Variants in LGSN observed in about 807,000 individuals in gnomAD.
LGSN encodes lengsin.
Under a neutral mutation model 19.5 loss-of-function variants are expected in LGSN, and 21 were observed. The ratio of observed to expected loss-of-function variants is 1.07; its 90% CI spans 0.76 to 1.55. The LOEUF (loss-of-function observed/expected upper bound fraction) is 1.55. Among genes scored for constraint, LGSN ranks in the 40% most tolerant of loss-of-function variants. The pLI is 0.00. For synonymous variants in LGSN, 257 were observed against 215.6 expected, an observed-to-expected ratio of 1.19 and a Z score of -1.68; for missense variants, 673 against 608.5, an observed-to-expected ratio of 1.11 and a Z score of -1.12.
At chr6:63,284,915 C>T (rs1033848850) in intron 3 of LGSN, among the ~76,000 whole-genome samples, 2 of 152,162 alleles carry the variant, frequency 1.3e-5, no homozygotes, top group Admixed American at 1.3e-4. Flanking sequence ...CTAGAGGATG[C>T]TTAACTTTCA....
chr6:63,431,286 G>C, the LGSN span, among the ~76,000 whole-genome samples: 1 of 152,280 alleles, frequency 6.6e-6, no homozygotes, highest in East Asian at 1.9e-4. Flanking sequence ...TCAAAGCCAA[G>C]CCTTGGCCAA....
chr6:63,517,482 C>CT, the LGSN span, among the ~76,000 whole-genome samples: 1 of 152,014 alleles, frequency 6.6e-6, no homozygotes, highest in Non-Finnish European at 1.5e-5. Flanking sequence ...CATGATGCCC[C>CT]GTAAAGTGAA....
the LGSN span, among the ~76,000 whole-genome samples, chr6:63,537,688 T>C: frequency 2.0e-5 from 3 of 152,352 alleles, no homozygotes; most frequent in South Asian, 4.1e-4. Context: ...TCAGTCAAGG[T>C]TGATTAATTC....
chr6:63,320,316 T>C (rs1383102705), upstream of LGSN, among the ~76,000 whole-genome samples: 1 of 152,166 alleles, frequency 6.6e-6, no homozygotes, highest in Non-Finnish European at 1.5e-5. Flanking sequence ...ATGAAACACT[T>C]ATTAGACGAC....
chr6:63,440,034 T>C, the LGSN span, among the ~76,000 whole-genome samples: 2 of 152,242 alleles, frequency 1.3e-5, no homozygotes, highest in Non-Finnish European at 2.9e-5. Context: ...GTATCTGTTT[T>C]AAAAAGACAA....
At position 63,285,718 on chromosome 6, in the gene LGSN, G is replaced by T; in HGVS notation, c.199C>A (p.Pro67Thr). Reference protein sequence around the residue: ...MRDSSQILTPPQLSSRMKHIR... With the variant: ...MRDSSQILTPTQLSSRMKHIR... The stretch of plus-strand genomic sequence containing the variant: ...TGTTTCATTCTAGAAGAGAGTTGAG[G>T]TGGGGTCAAAATTTGACTGCTGTCC... The change falls in exon 3 of 4, where the codon CCT (proline) becomes ACT (threonine). Residue 67 changes from proline to threonine, a missense_variant. Pro to Thr is a conservative substitution (Grantham distance 38, BLOSUM62 -1). Transcript: ENST00000370657. The T allele has an allele frequency of 6.2e-7, 1 of 1,613,914 alleles. No homozygotes were observed. Among genetic ancestry groups the T allele is most frequent in the Non-Finnish European group, 8.5e-7 (1 of 1,179,876 alleles).
At chr6:63,411,133 T>C in the LGSN span, among the ~76,000 whole-genome samples, 1 of 152,180 alleles carries the variant, frequency 6.6e-6, no homozygotes, top group Non-Finnish European at 1.5e-5. Flanking sequence ...CTTCCTAAAA[T>C]TGACTAGAAA....
At chr6:63,496,359 G>A in the LGSN span, among the ~76,000 whole-genome samples, 3 of 152,136 alleles carry the variant, frequency 2.0e-5, no homozygotes, top group East Asian at 1.9e-4. Flanking sequence ...GTTTGCCATA[G>A]CCACTAGGAC....
At chr6:63,426,857 G>T in the LGSN span, among the ~76,000 whole-genome samples, 3 of 152,172 alleles carry the variant, frequency 2.0e-5, no homozygotes, top group African/African-American at 2.4e-5. Flanking sequence ...TGTATGTCAA[G>T]AACAAACTAT....
the LGSN span, among the ~76,000 whole-genome samples, chr6:63,363,430 G>A: frequency 3.3e-5 from 5 of 152,248 alleles, no homozygotes; most frequent in East Asian, 1.9e-4. Flanking sequence ...CCAACCCATC[G>A]CAAAGAAGAT....
At chr6:63,298,835 T>C (rs1183396854) in intron 1 of LGSN, among the ~76,000 whole-genome samples, 1 of 152,250 alleles carries the variant, frequency 6.6e-6, no homozygotes, top group Non-Finnish European at 1.5e-5. Flanking sequence ...CCTATTGATG[T>C]GCAGAACATT....
chr6:63,293,757 T>G (rs1257833653), intron 2 of LGSN: 1 of 456,702 alleles, frequency 2.2e-6, no homozygotes, highest in Admixed American at 2.3e-5. Context: ...CTGAGAGTCC[T>G]TGTCATCATA....
intron 2 of LGSN, 63 bp downstream of exon 2, chr6:63,294,846 AAAAG>A: frequency 6.6e-7 from 1 of 1,505,040 alleles, no homozygotes; most frequent in Non-Finnish European, 9.1e-7. Flanking sequence ...ATGTTTTATG[AAAAG>A]AAAGACCAAA....
At chr6:63,558,434 AAAG>A in the LGSN span, among the ~76,000 whole-genome samples, 29 of 152,196 alleles carry the variant, frequency 1.9e-4, no homozygotes, top group Non-Finnish European at 7.3e-5. Context: ...GTCAGACAGA[AAAG>A]AAGAAAAGGG....
chr6:63,483,368 C>CT, the LGSN span, among the ~76,000 whole-genome samples: 457 of 143,606 alleles, frequency 3.2e-3, 4 homozygotes, highest in East Asian at 0.047. Flanking sequence ...AAAGGAAGCT[C>CT]TTTTTTTTTT....
chr6:63,306,329 T>C (rs1768384445), intron 1 of LGSN, among the ~76,000 whole-genome samples: 1 of 152,220 alleles, frequency 6.6e-6, no homozygotes, highest in Admixed American at 6.5e-5. Context: ...AGCTTGATAA[T>C]TGACTTAAAT....
the LGSN span, among the ~76,000 whole-genome samples, chr6:63,572,919 G>A: frequency 2.0e-4 from 30 of 152,278 alleles, no homozygotes; most frequent in Non-Finnish European, 3.5e-4. Flanking sequence ...CAGATGCCGG[G>A]CCCCTCGGGG....
chr6:63,338,503 C>T, the LGSN span, among the ~76,000 whole-genome samples: 2 of 152,116 alleles, frequency 1.3e-5, no homozygotes, highest in Admixed American at 6.6e-5. Context: ...TTTTTCATAA[C>T]AGTCTCTGAT....
the LGSN span, among the ~76,000 whole-genome samples, chr6:63,336,399 A>C: frequency 2.9e-3 from 439 of 151,920 alleles, 3 homozygotes; most frequent in African/African-American, 0.01. Context: ...AAACAGAGAG[A>C]CCCGTCTGCA....
Sources: allele counts gnomAD v4.1 joint callset (sites outside exome capture counted in the v4.1 genomes callset), GRCh38; gene constraint gnomAD v4.1.1; transcripts MANE v1.5; gene names NCBI Gene and HGNC (gene_info 2026-07-23, HGNC 2026-07-21).